Variants in ZMIZ1 observed in about 807,000 individuals in gnomAD.
ZMIZ1 encodes the protein zinc finger MIZ-type containing 1.
ZMIZ1 carries 17 observed loss-of-function variants against 113.9 expected under a neutral mutation model. That is an observed-to-expected ratio of 0.15 (90% CI 0.10 to 0.22). ZMIZ1 has a LOEUF of 0.22. ZMIZ1 is among the 10% of genes least tolerant of loss of function. The pLI is 1.00. For synonymous variants in ZMIZ1, 607 were observed against 603.1 expected, an observed-to-expected ratio of 1.01 and a Z score of -0.09; for missense variants, 1,059 against 1,477.8, an observed-to-expected ratio of 0.72 and a Z score of 4.65.
intron 9 of ZMIZ1, among the ~76,000 whole-genome samples, chr10:79,290,326 C>G (rs111272243): frequency 6.6e-6 from 1 of 152,172 alleles, no homozygotes; most frequent in Admixed American, 6.5e-5. Flanking sequence ...AGACCCACCT[C>G]CCTCTCATTC....
At chr10:79,235,372 C>T (rs963240049) in intron 7 of ZMIZ1, among the ~76,000 whole-genome samples, 8 of 152,198 alleles carry the variant, frequency 5.3e-5, no homozygotes, top group African/African-American at 1.4e-4. Context: ...TTCCTAAAAC[C>T]GCGCAATTGC....
intron 16 of ZMIZ1, among the ~76,000 whole-genome samples, chr10:79,299,997 G>T (rs182933744): frequency 2.0e-4 from 30 of 151,676 alleles, no homozygotes; most frequent in Admixed American, 5.9e-4. Context: ...CTGGGTCTGT[G>T]CCTGGCACAT....
At position 79,113,961 on chromosome 10, in the gene ZMIZ1, G is replaced by T. The variant is rs1229294510; in HGVS notation, c.-336-4954G>T. On this transcript the variant is annotated intron_variant, in intron 1 of 24. Transcript: ENST00000334512. ...TTAATTAAGGGGGTTCCTGAAGGCG[G>T]TGCTGGAGTCTCCCTTTGTTAATGG... Among the ~76,000 whole-genome samples, 5 of 152,352 alleles carry T rather than the reference G, an allele frequency of 3.3e-5. No homozygotes were observed. In the East Asian group the frequency reaches 9.6e-4, roughly 29 times the overall value.
chr10:79,266,667 C>T (rs1290267433), intron 7 of ZMIZ1, among the ~76,000 whole-genome samples: 2 of 152,098 alleles, frequency 1.3e-5, no homozygotes, highest in African/African-American at 4.8e-5. Flanking sequence ...AGTCACTGCC[C>T]CCGGTCCGAG....
chr10:79,208,698 A>G (rs1438522799), intron 6 of ZMIZ1, among the ~76,000 whole-genome samples: 1 of 152,242 alleles, frequency 6.6e-6, no homozygotes, highest in Non-Finnish European at 1.5e-5. Flanking sequence ...TTGATGAGAA[A>G]GACGCAGTGT....
intron 3 of ZMIZ1, among the ~76,000 whole-genome samples, chr10:79,151,122 G>A (rs1845696315): frequency 1.3e-5 from 2 of 152,132 alleles, no homozygotes; most frequent in Admixed American, 1.3e-4. Context: ...TGAGCTCCTG[G>A]GCGAGCTGAA....
intron 7 of ZMIZ1, among the ~76,000 whole-genome samples, chr10:79,219,013 G>A (rs571530525): frequency 3.3e-5 from 5 of 151,992 alleles, no homozygotes; most frequent in African/African-American, 7.2e-5. Flanking sequence ...ATGACAGCTC[G>A]GGCTATAAAA....
chr10:79,309,526 C>T (rs1260978572), intron 23 of ZMIZ1, among the ~76,000 whole-genome samples: 3 of 152,178 alleles, frequency 2.0e-5, no homozygotes, highest in Non-Finnish European at 4.4e-5. Context: ...GTTGCGAGGT[C>T]GTCTCATTCT....
chr10:79,289,337 C>G (rs1336960292), intron 8 of ZMIZ1, among the ~76,000 whole-genome samples: 2 of 152,152 alleles, frequency 1.3e-5, no homozygotes, highest in Non-Finnish European at 2.9e-5. Flanking sequence ...CCCTCAGACT[C>G]GGACCCTTCC....
intron 2 of ZMIZ1, among the ~76,000 whole-genome samples, chr10:79,122,072 C>G (rs1440844333): frequency 6.6e-6 from 1 of 152,100 alleles, no homozygotes; most frequent in Non-Finnish European, 1.5e-5. Context: ...GCTTGTGGCC[C>G]TGTGTGACGG....
At chr10:79,188,572 G>A (rs1321109593) in intron 4 of ZMIZ1, among the ~76,000 whole-genome samples, 3 of 152,046 alleles carry the variant, frequency 2.0e-5, no homozygotes, top group East Asian at 1.9e-4. Flanking sequence ...TTCTGGTCAC[G>A]CCTTTGTGGC....
At chr10:79,267,001 C>T (rs1282509068) in intron 7 of ZMIZ1, among the ~76,000 whole-genome samples, 1 of 152,256 alleles carries the variant, frequency 6.6e-6, no homozygotes, top group African/African-American at 2.4e-5. Flanking sequence ...GGCTTGGGCT[C>T]TGCCCACCGC....
chr10:79,092,819 G>C (rs1396514360), intron 1 of ZMIZ1, among the ~76,000 whole-genome samples: 1 of 152,200 alleles, frequency 6.6e-6, no homozygotes, highest in Non-Finnish European at 1.5e-5. Flanking sequence ...AGCTGGCAGA[G>C]GGGTGGTCAG....
chr10:79,161,203 G>A (rs947959590), intron 3 of ZMIZ1, among the ~76,000 whole-genome samples: 1 of 152,190 alleles, frequency 6.6e-6, no homozygotes, highest in African/African-American at 2.4e-5. Flanking sequence ...ACTGTCTCTG[G>A]TCTGGACCCT....
intron 4 of ZMIZ1, among the ~76,000 whole-genome samples, chr10:79,197,374 G>A (rs1351493760): frequency 6.6e-6 from 1 of 152,174 alleles, no homozygotes; most frequent in African/African-American, 2.4e-5. Flanking sequence ...GAACTGAGAT[G>A]GCCTTGCTGA....
At chr10:79,109,795 C>T (rs1322631077) in intron 1 of ZMIZ1, among the ~76,000 whole-genome samples, 1 of 152,252 alleles carries the variant, frequency 6.6e-6, no homozygotes, top group Non-Finnish European at 1.5e-5. Flanking sequence ...GTTTTCCCAC[C>T]TGCAAAATGG....
chr10:79,284,665 C>A (rs965149596), intron 8 of ZMIZ1, among the ~76,000 whole-genome samples: 20 of 152,176 alleles, frequency 1.3e-4, no homozygotes, highest in African/African-American at 4.6e-4. Context: ...GTTAGTCCCA[C>A]TTTACAGATG....
intron 7 of ZMIZ1, among the ~76,000 whole-genome samples, chr10:79,275,633 G>T (rs1407399395): frequency 2.0e-5 from 3 of 152,222 alleles, no homozygotes; most frequent in Non-Finnish European, 4.4e-5. Context: ...GGCCTGAGGG[G>T]TTCCTTATTG....
chr10:79,113,173 G>A (rs1843821441), intron 1 of ZMIZ1, among the ~76,000 whole-genome samples: 1 of 152,202 alleles, frequency 6.6e-6, no homozygotes, highest in South Asian at 2.1e-4. Context: ...ATGCAGCGAG[G>A]CTGGGTGGTA....
Sources: allele counts gnomAD v4.1 joint callset (sites outside exome capture counted in the v4.1 genomes callset), GRCh38; gene constraint gnomAD v4.1.1; transcripts MANE v1.5; gene names NCBI Gene and HGNC (gene_info 2026-07-23, HGNC 2026-07-21).